Variants in HADHB observed in about 807,000 individuals in gnomAD.
The protein encoded by HADHB is hydroxyacyl-CoA dehydrogenase trifunctional multienzyme complex subunit beta.
A neutral mutation model predicts 61.9 loss-of-function variants in HADHB; 50 were observed. That is an observed-to-expected ratio of 0.81 (90% CI 0.64 to 1.02). HADHB has a LOEUF of 1.02. Among genes scored for constraint, HADHB ranks in the 50% least tolerant of loss-of-function variants. HADHB has a pLI of 0.00. For synonymous variants in HADHB, 191 were observed against 201.6 expected (o/e 0.95, Z 0.45); for missense variants, 504 against 586.5 (o/e 0.86, Z 1.45).
intron 3 of HADHB, chr2:26,261,220 C>G: frequency 4.2e-6 from 2 of 474,636 alleles, no homozygotes; most frequent in Non-Finnish European, 3.7e-6. Context: ...ATACCCCCCC[C>G]CCATCCAGAC....
intron 14 of HADHB, 25 bp from the exon 15 acceptor site, chr2:26,285,382 A>G (rs1672982268): frequency 1.2e-6 from 2 of 1,605,008 alleles, no homozygotes; most frequent in Non-Finnish European, 1.7e-6. Context: ...ACTTATCTTT[A>G]CATTTGTGTC....
At chr2:26,262,243 A>T (rs1376489781) in intron 3 of HADHB, among the ~76,000 whole-genome samples, 1 of 152,154 alleles carries the variant, frequency 6.6e-6, no homozygotes, top group Non-Finnish European at 1.5e-5. Flanking sequence ...TCTATCTTTG[A>T]TAAGGAATAA....
chr2:26,248,406 A>T (rs1285912258), intron 1 of HADHB, among the ~76,000 whole-genome samples: 2 of 150,686 alleles, frequency 1.3e-5, no homozygotes, highest in Non-Finnish European at 2.9e-5. Context: ...TTTGAGACGG[A>T]GTCTCGTTCT....
intron 3 of HADHB, among the ~76,000 whole-genome samples, chr2:26,256,489 T>G (rs1200637792): frequency 6.6e-6 from 1 of 151,096 alleles, no homozygotes; most frequent in Non-Finnish European, 1.5e-5. Context: ...TTGACTGATT[T>G]GATGGTTATG....
At chr2:26,265,644 T>G (rs1358880858) in intron 4 of HADHB, among the ~76,000 whole-genome samples, 1 of 151,922 alleles carries the variant, frequency 6.6e-6, no homozygotes, top group Non-Finnish European at 1.5e-5. Context: ...CATACTCAAC[T>G]GTTTCATTTA....
At chr2:26,249,371 TATG>T (rs1671297170) in intron 1 of HADHB, among the ~76,000 whole-genome samples, 1 of 151,040 alleles carries the variant, frequency 6.6e-6, no homozygotes, top group South Asian at 2.1e-4. Context: ...ATTAGCCTGG[TATG>T]GTGGTGTGCG....
intron 8 of HADHB, 88 bp downstream of exon 8, chr2:26,278,889 G>T: frequency 8.7e-7 from 1 of 1,145,368 alleles, no homozygotes. Flanking sequence ...AATAGGTGTA[G>T]ATTCTGTAGT....
intron 6 of HADHB, among the ~76,000 whole-genome samples, chr2:26,275,732 C>T (rs1417892630): frequency 2.6e-5 from 4 of 152,218 alleles, no homozygotes; most frequent in Non-Finnish European, 5.9e-5. Flanking sequence ...AGTATCAGGC[C>T]TACCTGGAAA....
At chr2:26,270,577 C>T (rs1672296531) in intron 5 of HADHB, among the ~76,000 whole-genome samples, 1 of 151,948 alleles carries the variant, frequency 6.6e-6, no homozygotes. Context: ...TTTCTTCCTG[C>T]AATACCTCAA....
At chr2:26,264,188 A>G (rs1269619155) in intron 4 of HADHB, among the ~76,000 whole-genome samples, 1 of 152,214 alleles carries the variant, frequency 6.6e-6, no homozygotes, top group Non-Finnish European at 1.5e-5. Flanking sequence ...TCTGTTAAAA[A>G]GAATGAGACC....
intron 3 of HADHB, chr2:26,260,536 A>G (rs572522493): frequency 1.2e-5 from 2 of 160,084 alleles, no homozygotes; most frequent in South Asian, 1.8e-4. Context: ...GCATTTAACC[A>G]TCTTGTTCTC....
chr2:26,273,699 C>T lies in HADHB; in HGVS notation c.303C>T (p.Ile101=). ...TSVPKEVVDY[I]IFGTVIQEVK... is the part of the protein sequence containing the mutation. ...TCCCTAAGGAAGTAGTTGATTATAT[C>T]ATCTTTGGTACAGTTATTCAGGAAG... Residue 101 remains isoleucine, a synonymous_variant, in exon 6 of 16, where the codon ATC becomes ATT. Coordinates refer to ENST00000317799, the MANE Select transcript of HADHB (RefSeq NM_000183.3). 1 of 1,609,768 alleles carries T rather than the reference C, an allele frequency of 6.2e-7. No individual in the cohort carries two copies. Among genetic ancestry groups the T allele is most frequent in the South Asian group, 1.1e-5 (1 of 90,984 alleles).
intron 4 of HADHB, among the ~76,000 whole-genome samples, chr2:26,268,460 A>C (rs1288565816): frequency 2.0e-5 from 3 of 152,224 alleles, no homozygotes; most frequent in Non-Finnish European, 4.4e-5. Context: ...TAGTGGAGTA[A>C]ACTGGCAGAC....
At chr2:26,265,817 T>A (rs1035922776) in intron 4 of HADHB, among the ~76,000 whole-genome samples, 1 of 152,028 alleles carries the variant, frequency 6.6e-6, no homozygotes, top group Non-Finnish European at 1.5e-5. Context: ...AGAAAAACAT[T>A]GAGTAATGTA....
At position 26,285,514 on chromosome 2, in the gene HADHB, A is replaced by G. The variant is rs201483455; in HGVS notation, c.1332A>G (p.Arg444=). The change falls in exon 15 of 16, where the codon AGA becomes AGG. Residue 444 remains arginine (R), a synonymous_variant. Coordinates refer to ENST00000317799, the MANE Select transcript of HADHB (RefSeq NM_000183.3). ...GGTTGGTCATGGCTGCTGCCAACAG[A>G]TTACGGAAAGAAGGAGGCCAGTATG... ...GCRLVMAAAN[R]LRKEGGQYGL... 1.9e-6 allele frequency: 3 copies of G among 1,614,070 alleles called. No homozygotes were observed. Among genetic ancestry groups the G allele is most frequent in the Non-Finnish European group, 2.5e-6 (3 of 1,179,980 alleles).
chr2:26,265,897 G>A (rs533362128), intron 4 of HADHB, among the ~76,000 whole-genome samples: 33 of 151,992 alleles, frequency 2.2e-4, no homozygotes, highest in Admixed American at 1.4e-3. Context: ...AAGAACAAAA[G>A]TCACTAAAAA....
chr2:26,267,696 C>T (rs113138483), intron 4 of HADHB, among the ~76,000 whole-genome samples: 4 of 147,708 alleles, frequency 2.7e-5, no homozygotes, highest in African/African-American at 7.5e-5. Flanking sequence ...CGATTGAACC[C>T]GGGAGGCAGA....
intron 12 of HADHB, among the ~76,000 whole-genome samples, chr2:26,283,527 A>AAAAT (rs538561028): frequency 3.3e-5 from 5 of 152,102 alleles, no homozygotes; most frequent in Admixed American, 6.6e-5. Flanking sequence ...CCATCTCAAA[A>AAAAT]AAATAAATAA....
intron 3 of HADHB, 75 bp from the exon 4 acceptor site, chr2:26,263,305 A>C: frequency 1.0e-6 from 1 of 979,724 alleles, no homozygotes; most frequent in South Asian, 1.4e-5. Context: ...TCTTAAAAAA[A>C]AAAAAAAAAA....
Sources: allele counts gnomAD v4.1 joint callset (sites outside exome capture counted in the v4.1 genomes callset), GRCh38; gene constraint gnomAD v4.1.1; transcripts MANE v1.5; gene names NCBI Gene and HGNC (gene_info 2026-07-23, HGNC 2026-07-21).